Variants in LRRC4C observed in about 807,000 individuals in gnomAD.
LRRC4C encodes the protein leucine-rich repeat-containing protein 4C.
LRRC4C carries 5 observed loss-of-function variants against 33.6 expected under a neutral mutation model. The ratio of observed to expected loss-of-function variants is 0.15; its 90% CI spans 0.08 to 0.31. The LOEUF (loss-of-function observed/expected upper bound fraction) is 0.31. LRRC4C is among the 10% of genes least tolerant of loss of function. The pLI is 1.00. For missense variants in LRRC4C, 560 were observed against 796.7 expected (o/e 0.70, Z 3.58); for synonymous variants, 329 against 302.0 (o/e 1.09, Z -0.93).
At chr11:40,916,701 A>T (rs1592085628) in intron 2 of LRRC4C, among the ~76,000 whole-genome samples, 1 of 151,714 alleles carries the variant, frequency 6.6e-6, no homozygotes, top group East Asian at 1.9e-4. Context: ...GTATAATAAA[A>T]ATAAATAAAT....
chr11:41,211,549 A>T (rs2136318248), intron 1 of LRRC4C, among the ~76,000 whole-genome samples: 1 of 151,878 alleles, frequency 6.6e-6, no homozygotes, highest in Admixed American at 6.6e-5. Context: ...CTCATTGTTC[A>T]ATTCCCACCT....
intron 3 of LRRC4C, among the ~76,000 whole-genome samples, chr11:40,455,475 A>G (rs903465437): frequency 2.6e-5 from 4 of 152,196 alleles, no homozygotes; most frequent in African/African-American, 9.6e-5. Flanking sequence ...TTTCAGTGAT[A>G]GCTTTGAGAT....
intron 1 of LRRC4C, among the ~76,000 whole-genome samples, chr11:41,331,556 C>G (rs770544271): frequency 3.9e-5 from 6 of 152,184 alleles, no homozygotes; most frequent in Admixed American, 1.3e-4. Context: ...CTGCTCCCAG[C>G]ACAGTAGACA....
chr11:41,398,358 C>T (rs1953899943), intron 1 of LRRC4C, among the ~76,000 whole-genome samples: 1 of 150,546 alleles, frequency 6.6e-6, no homozygotes, highest in Admixed American at 6.6e-5. Flanking sequence ...ATGCAGAAAT[C>T]CCATTACGTA....
chr11:40,696,139 G>T (rs1391792606), intron 2 of LRRC4C, among the ~76,000 whole-genome samples: 4 of 147,360 alleles, frequency 2.7e-5, no homozygotes, highest in Admixed American at 1.4e-4. Context: ...TTAAATTAGT[G>T]CCTATGCAAC....
At position 40,334,986 on chromosome 11, in the gene LRRC4C, T is replaced by C. The variant is rs185857945; in HGVS notation, c.-269-15265A>G. Reference sequence around the variant, plus strand: ...CAGTTAATTAATCAATATCTGATTGTCACAAAATCCCATGTATTTATAACT... The same window carrying C: ...CAGTTAATTAATCAATATCTGATTGCCACAAAATCCCATGTATTTATAACT... On this transcript the variant is annotated intron_variant, in intron 3 of 6. Coordinates refer to ENST00000528697, the MANE Select transcript of LRRC4C (RefSeq NM_001258419.2). Among the ~76,000 whole-genome samples, 250 of 152,310 alleles carry C rather than the reference T, an allele frequency of 1.6e-3. 2 individuals carry two copies. Among genetic ancestry groups the C allele is most frequent in the African/African-American group, 5.8e-3 (241 of 41,576 alleles).
chr11:40,270,761 C>T (rs1565211486), intron 4 of LRRC4C, among the ~76,000 whole-genome samples: 1 of 152,106 alleles, frequency 6.6e-6, no homozygotes, highest in Non-Finnish European at 1.5e-5. Flanking sequence ...TCATTGAAAG[C>T]TGGCAATTCA....
intron 2 of LRRC4C, among the ~76,000 whole-genome samples, chr11:40,665,372 ATATATATATATATAT>A (rs1158066198): frequency 4.0e-4 from 26 of 65,058 alleles, no homozygotes; most frequent in African/African-American, 1.1e-3. Flanking sequence ...ATGTATATAT[ATATATATATATATAT>A]TATTAGGGGT....
At chr11:41,398,819 T>G (rs1953918915) in intron 1 of LRRC4C, among the ~76,000 whole-genome samples, 1 of 151,880 alleles carries the variant, frequency 6.6e-6, no homozygotes, top group African/African-American at 2.4e-5. Context: ...AATTATTAAA[T>G]TTCTAAGTTT....
At chr11:40,809,364 C>G (rs1448409712) in intron 2 of LRRC4C, among the ~76,000 whole-genome samples, 2 of 152,160 alleles carry the variant, frequency 1.3e-5, no homozygotes, top group Non-Finnish European at 2.9e-5. Flanking sequence ...GGATTGCATT[C>G]TCCTTTGCCT....
chr11:40,617,040 C>T (rs902005545), intron 3 of LRRC4C, among the ~76,000 whole-genome samples: 1 of 151,558 alleles, frequency 6.6e-6, no homozygotes, highest in African/African-American at 2.4e-5. Context: ...TTTTTAAGTC[C>T]CCATTACCAT....
chr11:40,139,306 A>G lies in LRRC4C; in HGVS notation c.-43+1495T>C, dbSNP rs79938722. 2.3e-3 allele frequency among the ~76,000 whole-genome samples: 355 copies of G among 152,328 alleles called. 2 individuals carry two copies. The highest frequency in any genetic ancestry group is 3.6e-3 in the Non-Finnish European group (247 of 68,026). Reference sequence around the variant, plus strand: ...TGGAAACCCCTTAAGTTAGGAGTGGAACACAGACATTTTTTGGACTGCAAT... The same window carrying G: ...TGGAAACCCCTTAAGTTAGGAGTGGGACACAGACATTTTTTGGACTGCAAT... On this transcript the variant is annotated intron_variant, in intron 6 of 6. Coordinates refer to ENST00000528697, the MANE Select transcript of LRRC4C (RefSeq NM_001258419.2).
At chr11:40,322,332 G>A (rs889223173) in intron 3 of LRRC4C, among the ~76,000 whole-genome samples, 5 of 151,882 alleles carry the variant, frequency 3.3e-5, no homozygotes, top group African/African-American at 9.7e-5. Flanking sequence ...TGCAACCTCC[G>A]CCTCCTGGGT....
intron 1 of LRRC4C, among the ~76,000 whole-genome samples, chr11:41,123,462 C>T (rs1233282880): frequency 6.7e-6 from 1 of 150,068 alleles, no homozygotes; most frequent in African/African-American, 2.5e-5. Flanking sequence ...TTAGTAGAGA[C>T]GGGGTTTCAC....
chr11:40,928,674 A>G (rs2136438053), intron 2 of LRRC4C, among the ~76,000 whole-genome samples: 1 of 152,306 alleles, frequency 6.6e-6, no homozygotes, highest in Non-Finnish European at 1.5e-5. Context: ...GCTAAATTTA[A>G]TTATTAAATT....
At chr11:41,390,160 G>A (rs1452445620) in intron 1 of LRRC4C, among the ~76,000 whole-genome samples, 2 of 151,874 alleles carry the variant, frequency 1.3e-5, no homozygotes, top group African/African-American at 4.8e-5. Flanking sequence ...TAGAATAAAT[G>A]TTCTGGTGGG....
intron 1 of LRRC4C, among the ~76,000 whole-genome samples, chr11:41,320,356 G>A (rs1316005226): frequency 6.6e-6 from 1 of 152,158 alleles, no homozygotes; most frequent in African/African-American, 2.4e-5. Context: ...CAAATCTTGT[G>A]AGAAATAGTT....
chr11:41,134,995 G>T (rs1292515304), intron 1 of LRRC4C, among the ~76,000 whole-genome samples: 2 of 152,086 alleles, frequency 1.3e-5, no homozygotes, highest in African/African-American at 4.8e-5. Flanking sequence ...CATTATGAAA[G>T]TCAATAAACT....
chr11:41,372,238 T>C (rs1258378829), intron 1 of LRRC4C, among the ~76,000 whole-genome samples: 2 of 152,254 alleles, frequency 1.3e-5, no homozygotes, highest in African/African-American at 4.8e-5. Context: ...GTGTTCAGGC[T>C]GTATTTGGTT....
Sources: allele counts gnomAD v4.1 joint callset (sites outside exome capture counted in the v4.1 genomes callset), GRCh38; gene constraint gnomAD v4.1.1; transcripts MANE v1.5; gene names NCBI Gene and HGNC (gene_info 2026-07-23, HGNC 2026-07-21).